The following NDST4 variants were observed in gnomAD, a reference collection of about 807,000 sequenced individuals.
NDST4 encodes N-heparan sulfate sulfotransferase 4.
In NDST4, 63 loss-of-function variants were observed where a neutral mutation model predicts 100.8. The observed-to-expected ratio is 0.62, with a 90% CI of 0.51 to 0.77. The LOEUF (loss-of-function observed/expected upper bound fraction) is 0.77, where lower values mean the gene tolerates loss of function less well. Ranked by LOEUF, NDST4 falls within the 30% of genes least tolerant of loss-of-function variation. The pLI is 0.00. For synonymous variants in NDST4, 377 were observed against 361.8 expected (o/e 1.04, Z -0.48); for missense variants, 943 against 1,018.4 (o/e 0.93, Z 1.01).
intron 2 of NDST4, among the ~76,000 whole-genome samples, chr4:115,071,057 T>A (rs28393555): frequency 0.085 from 12,908 of 151,666 alleles, 1,663 homozygotes; most frequent in African/African-American, 0.28. Flanking sequence ...ATGAGCTGAG[T>A]TTGTGCCACT....
intron 6 of NDST4, among the ~76,000 whole-genome samples, chr4:114,931,046 T>C (rs1297544980): frequency 1.3e-5 from 2 of 152,056 alleles, no homozygotes; most frequent in African/African-American, 4.8e-5. Context: ...TTTTAGAAAC[T>C]GAAGTAAGTG....
At chr4:114,916,534 C>CTG (rs1560810809) in intron 6 of NDST4, among the ~76,000 whole-genome samples, 3 of 123,418 alleles carry the variant, frequency 2.4e-5, no homozygotes, top group African/African-American at 1.0e-4. Flanking sequence ...TCCTGGTAGG[C>CTG]TCTGTGTGTG....
chr4:114,854,551 C>A (rs1578345121), intron 7 of NDST4, among the ~76,000 whole-genome samples: 1 of 152,272 alleles, frequency 6.6e-6, no homozygotes, highest in South Asian at 2.1e-4. Flanking sequence ...TCACCGCAAC[C>A]TTCGCCTCCC....
At chr4:114,852,675 C>T in intron 8 of NDST4, 50 bp downstream of exon 8, 1 of 1,014,200 alleles carries the variant, frequency 9.9e-7, no homozygotes, top group Non-Finnish European at 1.5e-6. Context: ...CAATGTATTT[C>T]ATAAAATATT....
intron 2 of NDST4, among the ~76,000 whole-genome samples, chr4:115,024,479 GTTACCCATC>G (rs1445118060): frequency 6.6e-6 from 1 of 152,002 alleles, no homozygotes; most frequent in East Asian, 1.9e-4. Flanking sequence ...CTTGGCAGTA[GTTACCCATC>G]TTTTCTCACC....
At chr4:114,982,188 CT>C (rs1726791416) in intron 2 of NDST4, among the ~76,000 whole-genome samples, 2 of 152,094 alleles carry the variant, frequency 1.3e-5, no homozygotes, top group African/African-American at 4.8e-5. Context: ...GTGGAAGCAA[CT>C]TTGGAACTGG....
Position 114,829,875 on chromosome 4 carries a change from C to A in NDST4, c.2414G>T (p.Gly805Val). Residue 805 changes from glycine to valine, a missense_variant, in exon 13 of 14, where the codon GGT (glycine) becomes GTT (valine). By Grantham distance (109) the Gly-to-Val change is moderately radical. Transcript: ENST00000264363. ...SEALTFDPQK[G>V]FWCQLLEGGK... ...TCCTTCCAGTAATTGACACCAAAAACCCTTTTGGGGATCAAACCTACAGTA... is the reference window on the plus strand; with the variant it reads ...TCCTTCCAGTAATTGACACCAAAAAACCTTTTGGGGATCAAACCTACAGTA... 6.2e-7 allele frequency: 1 copy of A among 1,610,190 alleles called. No homozygotes were observed. Among genetic ancestry groups the A allele is most frequent in the Non-Finnish European group, 8.5e-7 (1 of 1,178,956 alleles).
chr4:115,107,755 A>G (rs1729859694), intron 1 of NDST4, among the ~76,000 whole-genome samples: 1 of 152,128 alleles, frequency 6.6e-6, no homozygotes, highest in South Asian at 2.1e-4. Context: ...CCTGACACAT[A>G]TTAAAAATAA....
At chr4:114,951,444 C>T (rs115649961) in intron 4 of NDST4, among the ~76,000 whole-genome samples, 2,248 of 152,110 alleles carry the variant, frequency 0.015, 60 homozygotes, top group African/African-American at 0.051. Context: ...GCATCATCAA[C>T]CTCTTATTTC....
At chr4:115,043,648 A>G (rs1261760852) in intron 2 of NDST4, among the ~76,000 whole-genome samples, 1 of 152,074 alleles carries the variant, frequency 6.6e-6, no homozygotes, top group Non-Finnish European at 1.5e-5. Flanking sequence ...GGCACAATAA[A>G]TGTATGACTG....
chr4:115,065,894 A>T (rs992742784), intron 2 of NDST4, among the ~76,000 whole-genome samples: 2 of 152,154 alleles, frequency 1.3e-5, no homozygotes, highest in African/African-American at 4.8e-5. Flanking sequence ...AAATGTCCTG[A>T]TATTTTCAGC....
chr4:114,882,565 C>G (rs1397843402), intron 6 of NDST4, among the ~76,000 whole-genome samples: 1 of 151,564 alleles, frequency 6.6e-6, no homozygotes, highest in African/African-American at 2.4e-5. Flanking sequence ...GAGAAACTTC[C>G]CAAACTAAAG....
intron 2 of NDST4, among the ~76,000 whole-genome samples, chr4:115,020,062 C>T (rs1727776457): frequency 2.0e-5 from 3 of 152,088 alleles, no homozygotes; most frequent in Middle Eastern, 3.4e-3. Flanking sequence ...AATTGGGTAA[C>T]GGATACAGGT....
intron 8 of NDST4, 30 bp downstream of exon 8, chr4:114,852,695 G>T (rs747780294): frequency 1.7e-5 from 20 of 1,207,370 alleles, no homozygotes; most frequent in Non-Finnish European, 2.4e-5. Context: ...TTTTAAAAAG[G>T]ATATAAGTAG....
At chr4:115,080,093 T>G (rs1476693771) in intron 1 of NDST4, among the ~76,000 whole-genome samples, 1 of 152,110 alleles carries the variant, frequency 6.6e-6, no homozygotes, top group Non-Finnish European at 1.5e-5. Flanking sequence ...GAATCCCACA[T>G]GTTGGGGAAT....
chr4:114,870,203 A>T (rs937459490), intron 7 of NDST4, among the ~76,000 whole-genome samples: 2 of 152,182 alleles, frequency 1.3e-5, no homozygotes, highest in Non-Finnish European at 2.9e-5. Flanking sequence ...TTAGTAAAGC[A>T]ATCCTAACAC....
intron 8 of NDST4, among the ~76,000 whole-genome samples, chr4:114,849,676 C>A (rs779696144): frequency 6.6e-6 from 1 of 151,840 alleles, no homozygotes; most frequent in South Asian, 2.1e-4. Flanking sequence ...ACACTGTGTG[C>A]GAAATAAGAT....
At position 114,849,766 on chromosome 4, in the gene NDST4, T is replaced by C. The variant is rs4607240; in HGVS notation, c.1817-1428A>G. On this transcript the variant is annotated intron_variant, in intron 8 of 13. Transcript: ENST00000264363. The stretch of plus-strand genomic sequence containing the variant: ...AGGAATAACAAATGTGAAATCGAAT[T>C]ATACAAACTTGATTAAAAGAATGAA... Among the ~76,000 whole-genome samples the C allele has an allele frequency of 8.0e-3, 1,219 of 152,094 alleles. 7 individuals are homozygous for C. The highest frequency in any genetic ancestry group is 0.013 in the Non-Finnish European group (856 of 68,016).
At chr4:114,881,363 A>G (rs866435328) in intron 6 of NDST4, among the ~76,000 whole-genome samples, 2 of 152,216 alleles carry the variant, frequency 1.3e-5, no homozygotes, top group African/African-American at 4.8e-5. Flanking sequence ...GGGATGGAAA[A>G]AAAGGAAGGA....
Sources: gnomAD v4.1 joint callset for allele counts (sites outside exome capture counted in the v4.1 genomes callset) on GRCh38, gnomAD v4.1.1 for gene constraint, MANE v1.5 for transcripts, NCBI Gene and HGNC (gene_info 2026-07-23, HGNC 2026-07-21) for gene names.